LRP1B: variants seen among roughly 807,000 people sequenced by gnomAD.
LRP1B encodes LDL receptor related protein 1B, also known as low-density lipoprotein receptor-related protein 1B.
A neutral mutation model predicts 556.6 loss-of-function variants in LRP1B; 217 were observed. That is an observed-to-expected ratio of 0.39 (90% CI 0.35 to 0.44). The LOEUF is 0.44. Among genes scored for constraint, LRP1B ranks in the 20% least tolerant of loss-of-function variants. LRP1B has a pLI of 1.00. For synonymous variants in LRP1B, 2,047 were observed against 1,865.8 expected, an observed-to-expected ratio of 1.10 and a Z score of -2.50; for missense variants, 5,053 against 5,620.8, an observed-to-expected ratio of 0.90 and a Z score of 3.23.
intron 66 of LRP1B, among the ~76,000 whole-genome samples, chr2:140,412,911 T>C (rs1685027308): frequency 6.6e-6 from 1 of 152,124 alleles, no homozygotes; most frequent in Non-Finnish European, 1.5e-5. Flanking sequence ...GTTTATGATA[T>C]AAAACAATGG....
At chr2:141,658,278 T>C (rs1446349878) in intron 2 of LRP1B, among the ~76,000 whole-genome samples, 5 of 152,256 alleles carry the variant, frequency 3.3e-5, no homozygotes, top group Non-Finnish European at 7.3e-5. Flanking sequence ...AGGAATTGTA[T>C]CTGACAGCAT....
At chr2:141,568,461 T>G (rs1686412408) in intron 2 of LRP1B, among the ~76,000 whole-genome samples, 2 of 151,032 alleles carry the variant, frequency 1.3e-5, no homozygotes, top group African/African-American at 4.8e-5. Flanking sequence ...AAAGAAGTTC[T>G]TTGCCACAAA....
intron 35 of LRP1B, among the ~76,000 whole-genome samples, chr2:140,758,014 C>A (rs1348497404): frequency 2.0e-5 from 3 of 152,074 alleles, no homozygotes; most frequent in Non-Finnish European, 4.4e-5. Flanking sequence ...ATGATGGCTG[C>A]ACAACTCTGT....
chr2:140,548,860 G>A (rs1558960580), intron 43 of LRP1B, among the ~76,000 whole-genome samples: 1 of 152,070 alleles, frequency 6.6e-6, no homozygotes, highest in Admixed American at 6.6e-5. Flanking sequence ...GGGAGGCAAA[G>A]GTTGCAGTGA....
intron 47 of LRP1B, among the ~76,000 whole-genome samples, chr2:140,526,834 T>C (rs768995054): frequency 3.3e-5 from 5 of 151,680 alleles, no homozygotes; most frequent in Non-Finnish European, 7.4e-5. Context: ...AAGTAAAGCA[T>C]TTCCTGCTAT....
At chr2:141,048,506 A>G (rs916806567) in intron 11 of LRP1B, among the ~76,000 whole-genome samples, 1 of 152,116 alleles carries the variant, frequency 6.6e-6, no homozygotes, top group African/African-American at 2.4e-5. Flanking sequence ...TCCAAGGGCA[A>G]CTCTAGAAAA....
intron 17 of LRP1B, among the ~76,000 whole-genome samples, chr2:140,986,186 G>A (rs1009587019): frequency 2.0e-5 from 3 of 151,044 alleles, no homozygotes; most frequent in African/African-American, 7.3e-5. Flanking sequence ...TGATATTTGA[G>A]TTCTCGTTCA....
At chr2:141,963,096 AG>A (rs965781476) in intron 1 of LRP1B, among the ~76,000 whole-genome samples, 12 of 151,850 alleles carry the variant, frequency 7.9e-5, no homozygotes, top group African/African-American at 2.2e-4. Flanking sequence ...AATCAATTAT[AG>A]GCCAAAAATC....
intron 37 of LRP1B, among the ~76,000 whole-genome samples, chr2:140,714,502 T>G (rs565149805): frequency 1.3e-5 from 2 of 152,210 alleles, no homozygotes; most frequent in South Asian, 2.1e-4. Flanking sequence ...CAGATTGACA[T>G]GTAGCAGCAA....
At chr2:141,513,455 T>C (rs924000859) in intron 2 of LRP1B, among the ~76,000 whole-genome samples, 7 of 152,120 alleles carry the variant, frequency 4.6e-5, no homozygotes, top group African/African-American at 1.4e-4. Context: ...GTAAGATTTA[T>C]ATTCATAGTA....
At chr2:142,064,919 T>C (rs562254032) in intron 1 of LRP1B, among the ~76,000 whole-genome samples, 1 of 151,748 alleles carries the variant, frequency 6.6e-6, no homozygotes, top group African/African-American at 2.4e-5. Flanking sequence ...TATCTCCATG[T>C]ACCTCCATGT....
intron 1 of LRP1B, among the ~76,000 whole-genome samples, chr2:141,960,662 C>G (rs921923264): frequency 5.3e-5 from 8 of 151,844 alleles, no homozygotes; most frequent in African/African-American, 1.9e-4. Flanking sequence ...TCTTCCTATT[C>G]ATTTGATAGA....
intron 7 of LRP1B, among the ~76,000 whole-genome samples, chr2:141,167,812 C>A (rs1251684630): frequency 1.3e-5 from 2 of 151,772 alleles, no homozygotes; most frequent in African/African-American, 2.4e-5. Flanking sequence ...TTTACAGTGA[C>A]CATTGATAGA....
chr2:141,306,301 A>T (rs966653182), intron 3 of LRP1B, among the ~76,000 whole-genome samples: 1 of 151,996 alleles, frequency 6.6e-6, no homozygotes, highest in Non-Finnish European at 1.5e-5. Context: ...TACTGTTTCA[A>T]TTTTATCACT....
Position 140,700,601 on chromosome 2 carries a change from C to A in LRP1B, c.6448G>T (p.Asp2150Tyr), listed in dbSNP as rs1372255159. 6.2e-7 allele frequency: 1 copy of A among 1,613,450 alleles called. No homozygotes were observed. Among genetic ancestry groups the A allele is most frequent in the Non-Finnish European group, 8.5e-7 (1 of 1,179,592 alleles). Residue 2150 changes from aspartate to tyrosine, a missense_variant, in exon 41 of 91, where the codon GAC becomes TAC. Transcript: ENST00000389484. ...CAGAGTTGCTTACAGCCACCATTGT[C>A]CCTGGCACAAACATTGGTCCCTAAT... ...REKGTNVCAR[D>Y]NGGCKQLCLY... is the part of the protein sequence containing the mutation.
intron 3 of LRP1B, among the ~76,000 whole-genome samples, chr2:141,355,695 A>T (rs1688602510): frequency 6.6e-6 from 1 of 152,170 alleles, no homozygotes. Context: ...CCAAAAGTCA[A>T]ATTAATGAAC....
chr2:141,465,430 C>T (rs1252906576), intron 3 of LRP1B, among the ~76,000 whole-genome samples: 1 of 152,128 alleles, frequency 6.6e-6, no homozygotes, highest in Non-Finnish European at 1.5e-5. Flanking sequence ...CCCTTAAACT[C>T]CATTAATCTG....
chr2:140,369,248 A>T (rs189763734), intron 71 of LRP1B, among the ~76,000 whole-genome samples: 1 of 152,042 alleles, frequency 6.6e-6, no homozygotes, highest in East Asian at 1.9e-4. Flanking sequence ...GGACACTTAC[A>T]TAAGATGAAC....
rs565201183 is a variant in LRP1B at position 141,851,091 on chromosome 2, A to G, written c.83-40690T>C. Among the ~76,000 whole-genome samples the G allele has an allele frequency of 8.3e-4, 116 of 140,358 alleles. 1 individual carries two copies. The highest frequency in any genetic ancestry group is 6.1e-3 in the Admixed American group (82 of 13,422). The allele number at this position is 140,358 out of a possible 152,430, so 92.1% of individuals were successfully genotyped here. ...GAATTTCGATTAACTGGGTGACTTG[A>G]ATTCCCTTGTTCTAGTTGTTTTCAG... On this transcript the variant is annotated intron_variant, in intron 1 of 90. Coordinates refer to ENST00000389484, the MANE Select transcript of LRP1B (RefSeq NM_018557.3).
Sources: gnomAD v4.1 joint callset for allele counts (sites outside exome capture counted in the v4.1 genomes callset) on GRCh38, gnomAD v4.1.1 for gene constraint, MANE v1.5 for transcripts, NCBI Gene and HGNC (gene_info 2026-07-23, HGNC 2026-07-21) for gene names.